Variants in MEGF11 observed in about 807,000 individuals in gnomAD.
MEGF11 encodes the protein multiple EGF like domains 11.
Under a neutral mutation model 146.6 loss-of-function variants are expected in MEGF11, and 126 were observed. That is an observed-to-expected ratio of 0.86 (90% CI 0.74 to 1.00). MEGF11 has a LOEUF of 1.00. Ranked by LOEUF, MEGF11 falls within the 50% of genes least tolerant of loss-of-function variation. The probability of loss-of-function intolerance (pLI) is 0.00; values close to 1 mark genes in which losing one functional copy is unlikely to be tolerated. For missense variants in MEGF11, 1,509 were observed against 1,521.2 expected (o/e 0.99, Z 0.13); for synonymous variants, 532 against 583.4 (o/e 0.91, Z 1.27).
intron 5 of MEGF11, among the ~76,000 whole-genome samples, chr15:66,073,733 T>C (rs1239122229): frequency 1.3e-5 from 2 of 152,224 alleles, no homozygotes; most frequent in Admixed American, 6.5e-5. Context: ...ATTCCCTTGC[T>C]GAGCTCCAAA....
At position 66,077,760 on chromosome 15, in the gene MEGF11, T is replaced by C. The variant is rs1337895037; in HGVS notation, c.394+16642A>G. ...GGGTGGCAAGGACCGCCTGGCCATG[T>C]ACAGAGTCGAGGCCCCTGGGAATCA... On this transcript the variant is annotated intron_variant, in intron 5 of 25. Transcript: ENST00000395614. Among the ~76,000 whole-genome samples the C allele has an allele frequency of 3.3e-5, 5 of 152,130 alleles. No homozygotes were observed. The East Asian group carries it at 7.7e-4, about 23-fold the overall frequency.
At chr15:65,973,858 T>A (rs868835271) in intron 7 of MEGF11, among the ~76,000 whole-genome samples, 1 of 152,144 alleles carries the variant, frequency 6.6e-6, no homozygotes, top group Non-Finnish European at 1.5e-5. Flanking sequence ...CCTAAAAGAT[T>A]TGAAAGTGTT....
chr15:66,144,124 GC>G (rs2089275978), intron 1 of MEGF11, among the ~76,000 whole-genome samples: 1 of 152,172 alleles, frequency 6.6e-6, no homozygotes. Context: ...CGGACACTAA[GC>G]CACTATGCCC....
intron 1 of MEGF11, among the ~76,000 whole-genome samples, chr15:66,230,781 GTAAA>G (rs2091952401): frequency 6.6e-6 from 1 of 152,174 alleles, no homozygotes; most frequent in South Asian, 2.1e-4. Context: ...ATTTTTCATT[GTAAA>G]GAGTTTTTAA....
intron 5 of MEGF11, among the ~76,000 whole-genome samples, chr15:66,062,997 A>G (rs1301361309): frequency 6.6e-6 from 1 of 152,232 alleles, no homozygotes; most frequent in African/African-American, 2.4e-5. Flanking sequence ...GAGTGTTTTC[A>G]GATGTGAGTT....
intron 1 of MEGF11, among the ~76,000 whole-genome samples, chr15:66,151,262 G>A (rs1482285000): frequency 6.6e-6 from 1 of 152,144 alleles, no homozygotes; most frequent in Non-Finnish European, 1.5e-5. Context: ...AGACCAGAAG[G>A]GAGGACAGAG....
chr15:65,990,162 G>T (rs142463148), intron 5 of MEGF11, among the ~76,000 whole-genome samples: 45 of 152,290 alleles, frequency 3.0e-4, no homozygotes, highest in African/African-American at 1.0e-3. Flanking sequence ...AGTGAGCTAT[G>T]ACTGTACCAC....
chr15:65,982,021 G>A lies in MEGF11; in HGVS notation c.641+221C>T, dbSNP rs988900265. 6.6e-6 allele frequency among the ~76,000 whole-genome samples: 1 copy of A among 152,200 alleles called. No individual in the cohort carries two copies. The highest frequency in any genetic ancestry group is 1.5e-5 in the Non-Finnish European group (1 of 68,032). On this transcript the variant is annotated intron_variant, in intron 6 of 25. Coordinates refer to ENST00000395614, the MANE Select transcript of MEGF11 (RefSeq NM_001385028.1). This position sits in a 1 kb window ranked among gnomAD's most constrained non-coding sequence, Gnocchi z 5.6. ...TGAGACCTGCGTGGGTGAGGCCTGG[G>A]CATTTAGACTCACAGGAGATTTCAC... is the stretch of plus-strand genomic sequence containing the variant.
At chr15:66,211,074 T>C (rs1465458235) in intron 1 of MEGF11, among the ~76,000 whole-genome samples, 1 of 152,118 alleles carries the variant, frequency 6.6e-6, no homozygotes, top group East Asian at 1.9e-4. Flanking sequence ...GCTTTGGCCC[T>C]CCCAAAGACC....
Position 66,118,889 on chromosome 15 carries a change from C to G in MEGF11, c.301+197G>C, listed in dbSNP as rs549231054. ...CCTGTAAGGAGGTTGATCTGATGGC[C>G]CAACCCTTGCTACTGTATTTGCACC... On this transcript the variant is annotated intron_variant, in intron 4 of 25. Coordinates refer to ENST00000395614, the MANE Select transcript of MEGF11 (RefSeq NM_001385028.1). Among the ~76,000 whole-genome samples the G allele has an allele frequency of 3.2e-4, 48 of 152,318 alleles. No homozygotes were observed. In the South Asian group the frequency reaches 9.5e-3, roughly 30 times the overall value.
chr15:66,107,651 C>T (rs1345036316), intron 4 of MEGF11, among the ~76,000 whole-genome samples: 3 of 152,122 alleles, frequency 2.0e-5, no homozygotes, highest in Non-Finnish European at 4.4e-5. Context: ...AACCTGAGGT[C>T]CTGGAGGGGA....
chr15:65,937,393 C>A (rs2079828523), intron 10 of MEGF11, among the ~76,000 whole-genome samples: 1 of 152,226 alleles, frequency 6.6e-6, no homozygotes, highest in African/African-American at 2.4e-5. Context: ...TGAGGTTGTT[C>A]CCCTAAAATC....
chr15:65,994,007 C>T (rs1039238468), intron 5 of MEGF11, among the ~76,000 whole-genome samples: 1 of 152,122 alleles, frequency 6.6e-6, no homozygotes, highest in East Asian at 1.9e-4. Context: ...CTGCCTGGAG[C>T]GGGGTTGGGC....
intron 3 of MEGF11, among the ~76,000 whole-genome samples, chr15:66,122,810 G>A (rs1349345556): frequency 2.0e-5 from 3 of 151,916 alleles, no homozygotes; most frequent in Admixed American, 6.6e-5. Flanking sequence ...AGAGAGTCTC[G>A]CTCTGTCGCC....
intron 1 of MEGF11, among the ~76,000 whole-genome samples, chr15:66,221,912 G>T (rs982644245): frequency 6.6e-6 from 1 of 152,068 alleles, no homozygotes; most frequent in African/African-American, 2.4e-5. Flanking sequence ...GCACTTTCCT[G>T]ATTTCCTCAA....
intron 4 of MEGF11, among the ~76,000 whole-genome samples, chr15:66,110,050 G>A (rs1444221466): frequency 6.6e-6 from 1 of 152,186 alleles, no homozygotes; most frequent in African/African-American, 2.4e-5. Flanking sequence ...GGAGAGACAG[G>A]ATGGTGGGTA....
At chr15:66,008,450 C>CACAA (rs1206804522) in intron 5 of MEGF11, among the ~76,000 whole-genome samples, 5 of 151,530 alleles carry the variant, frequency 3.3e-5, no homozygotes, top group African/African-American at 1.2e-4. Context: ...CACACACACA[C>CACAA]AAAATTACAG....
intron 5 of MEGF11, among the ~76,000 whole-genome samples, chr15:66,081,094 G>C (rs1432775317): frequency 6.6e-6 from 1 of 152,182 alleles, no homozygotes; most frequent in Non-Finnish European, 1.5e-5. Context: ...ACAGCATAGG[G>C]CTCAGCAGGA....
chr15:66,204,266 G>T (rs928296593), intron 1 of MEGF11, among the ~76,000 whole-genome samples: 4 of 152,030 alleles, frequency 2.6e-5, no homozygotes, highest in African/African-American at 7.2e-5. Flanking sequence ...GCCACATGTT[G>T]GGGCACACAC....
Sources: allele counts gnomAD v4.1 joint callset (sites outside exome capture counted in the v4.1 genomes callset), GRCh38; gene constraint gnomAD v4.1.1; non-coding constraint Gnocchi (gnomAD v3.1); transcripts MANE v1.5; gene names NCBI Gene and HGNC (gene_info 2026-07-23, HGNC 2026-07-21).